Variants in SCAMP5 observed in about 807,000 individuals in gnomAD.
SCAMP5 encodes secretory carrier-associated membrane protein 5.
In SCAMP5, 7 loss-of-function variants were observed where a neutral mutation model predicts 28.3. That is an observed-to-expected ratio of 0.25 (90% CI 0.14 to 0.46). The LOEUF is 0.46. Among genes scored for constraint, SCAMP5 ranks in the 20% least tolerant of loss-of-function variants. The probability of loss-of-function intolerance (pLI) is 0.99; values close to 1 mark genes in which losing one functional copy is unlikely to be tolerated. For missense variants in SCAMP5, 192 were observed against 312.5 expected (o/e 0.61, Z 2.91); for synonymous variants, 117 against 116.4 (o/e 1.00, Z -0.03).
intron 1 of SCAMP5, among the ~76,000 whole-genome samples, chr15:75,002,759 C>G (rs1316177909): frequency 6.6e-6 from 1 of 151,186 alleles, no homozygotes; most frequent in Non-Finnish European, 1.5e-5. Context: ...TTCTGCTTAA[C>G]TTTCTTGACT....
rs761802274 is a variant in SCAMP5 at position 75,018,403 on chromosome 15, G to A, written c.396-15G>A. On this transcript the variant is annotated splice_polypyrimidine_tract_variant and intron_variant, in intron 5 of 6. Transcript: ENST00000425597. This position sits in a 1 kb window ranked among gnomAD's most constrained non-coding sequence, Gnocchi z 5.6. ...CTTATCCTGCCCGCAGCCCCACACTGGCCTCTTCCTGCAGCGGCTGGATTG... is the reference window on the plus strand; with the variant it reads ...CTTATCCTGCCCGCAGCCCCACACTAGCCTCTTCCTGCAGCGGCTGGATTG... The A allele has an allele frequency of 2.5e-6, 4 of 1,572,254 alleles. No individual in the cohort carries two copies. In the African/African-American group the frequency reaches 4.1e-5, roughly 16 times the overall value.
At chr15:75,015,482 G>T (rs1036480516) in intron 3 of SCAMP5, among the ~76,000 whole-genome samples, 1 of 152,046 alleles carries the variant, frequency 6.6e-6, no homozygotes, top group Non-Finnish European at 1.5e-5. Flanking sequence ...TGTTCTTGGG[G>T]AACTTTTAGT....
At chr15:75,003,315 A>G (rs2065726811) in intron 1 of SCAMP5, among the ~76,000 whole-genome samples, 1 of 152,208 alleles carries the variant, frequency 6.6e-6, no homozygotes. Flanking sequence ...GAAATGGTAT[A>G]AAGTTATATA....
chr15:75,019,116 G>A lies in SCAMP5; in HGVS notation c.*133G>A. 1 of 516,298 alleles carries A rather than the reference G, an allele frequency of 1.9e-6. No individual in the cohort carries two copies. 32.0% of individuals were successfully genotyped at this position (516,298 alleles called of 1,614,324 possible). On this transcript the variant is annotated 3_prime_UTR_variant, in exon 7 of 7. Coordinates refer to ENST00000425597, the MANE Select transcript of SCAMP5 (RefSeq NM_138967.4). ...TCCCTACTTTGTACAAAGGACCAGA[G>A]TTATATATATATATATATGTATATG...
At chr15:75,011,142 G>A (rs1217080375) in intron 1 of SCAMP5, among the ~76,000 whole-genome samples, 3 of 152,086 alleles carry the variant, frequency 2.0e-5, no homozygotes, top group African/African-American at 7.2e-5. Context: ...GGAGGCTGAG[G>A]CTGCCGTGAG....
At chr15:75,006,723 C>T (rs752614048) in intron 1 of SCAMP5, among the ~76,000 whole-genome samples, 36 of 149,994 alleles carry the variant, frequency 2.4e-4, no homozygotes, top group Non-Finnish European at 4.0e-4. Context: ...TGCAGTGAGC[C>T]GAGATCACGC....
chr15:75,014,041 C>G (rs1460121730), intron 3 of SCAMP5, among the ~76,000 whole-genome samples: 2 of 151,854 alleles, frequency 1.3e-5, no homozygotes, highest in Non-Finnish European at 2.9e-5. Context: ...GCTGGCTATC[C>G]TGTGCTGGGT....
At chr15:75,004,147 G>T (rs1280369624) in intron 1 of SCAMP5, among the ~76,000 whole-genome samples, 1 of 151,854 alleles carries the variant, frequency 6.6e-6, no homozygotes, top group Non-Finnish European at 1.5e-5. Flanking sequence ...CAGGTGATCC[G>T]CCCGCCTCGG....
chr15:75,009,071 C>G (rs1346977980), intron 1 of SCAMP5, among the ~76,000 whole-genome samples: 1 of 152,138 alleles, frequency 6.6e-6, no homozygotes, highest in East Asian at 1.9e-4. Flanking sequence ...TTTTTAACTA[C>G]TCATCTTTTT....
At chr15:75,017,776 T>C (rs1297833663) in intron 4 of SCAMP5, 94 bp from the exon 5 acceptor site, 2 of 807,440 alleles carry the variant, frequency 2.5e-6, no homozygotes, top group Non-Finnish European at 2.2e-6. Context: ...CTTCTGTCCA[T>C]TATGCACTTA....
Position 75,019,048 on chromosome 15 carries a change from C to T in SCAMP5, c.*65C>T. On this transcript the variant is annotated 3_prime_UTR_variant, in exon 7 of 7. Coordinates refer to ENST00000425597, the MANE Select transcript of SCAMP5 (RefSeq NM_138967.4). The stretch of plus-strand genomic sequence containing the variant: ...GGACAGGGGGCTCAAGCCACATCGT[C>T]ATTTGTGGTTACCAAGCAGGGTTCC... The T allele has an allele frequency of 8.4e-7, 1 of 1,192,828 alleles. No individual in the cohort carries two copies. The highest frequency in any genetic ancestry group is 1.2e-6 in the Non-Finnish European group (1 of 864,262). The allele number at this position is 1,192,828 out of a possible 1,614,324, so 73.9% of individuals were successfully genotyped here. A position where few individuals can be genotyped will look rare whatever the true frequency, so the allele number is the denominator to read the frequency against.
intron 3 of SCAMP5, among the ~76,000 whole-genome samples, chr15:75,015,842 C>T (rs1451312052): frequency 2.1e-5 from 3 of 145,386 alleles, no homozygotes; most frequent in Non-Finnish European, 3.0e-5. Flanking sequence ...AGGAGAATCG[C>T]TTGAACCTGA....
rs1223196601 is a variant in SCAMP5 at position 75,020,065 on chromosome 15, G to A, written c.*1082G>A. 6.6e-6 allele frequency: 1 copy of A among 152,436 alleles called. No individual in the cohort carries two copies. The highest frequency in any genetic ancestry group is 1.9e-4 in the East Asian group (1 of 5,206). The allele number at this position is 152,436 out of a possible 1,614,324, so 9.4% of individuals were successfully genotyped here. Reference sequence around the variant, plus strand: ...CTTACTGCCTTCCCTGAGGAGCTGGGACATGCTGGGCAGTTGTCAGATGTA... The same window carrying A: ...CTTACTGCCTTCCCTGAGGAGCTGGAACATGCTGGGCAGTTGTCAGATGTA... On this transcript the variant is annotated 3_prime_UTR_variant, in exon 7 of 7. Transcript: ENST00000425597.
At position 75,021,362 on chromosome 15, in the gene SCAMP5, A is replaced by G. The variant is rs1050767370; in HGVS notation, c.*2379A>G. 3 of 152,250 alleles carry G rather than the reference A, an allele frequency of 2.0e-5. No individual in the cohort carries two copies. Among genetic ancestry groups the G allele is most frequent in the African/African-American group, 7.2e-5 (3 of 41,444 alleles). The allele number at this position is 152,250 out of a possible 1,614,324, so 9.4% of individuals were successfully genotyped here. A position where few individuals can be genotyped will look rare whatever the true frequency, so the allele number is the denominator to read the frequency against. Reference sequence around the variant, plus strand: ...TGGGGTCCCAGTGACCTGCTTTGCCATTCTCCTGGTGCCGCTGCTGCTCCC... The same window carrying G: ...TGGGGTCCCAGTGACCTGCTTTGCCGTTCTCCTGGTGCCGCTGCTGCTCCC... On this transcript the variant is annotated 3_prime_UTR_variant, in exon 7 of 7. Coordinates refer to ENST00000425597, the MANE Select transcript of SCAMP5 (RefSeq NM_138967.4).
chr15:75,012,889 C>T, intron 3 of SCAMP5, 84 bp downstream of exon 3: 1 of 1,366,510 alleles, frequency 7.3e-7, no homozygotes, highest in Admixed American at 1.7e-5. Flanking sequence ...GTGGGGTGCC[C>T]ACAGGCCTGA....
At chr15:75,011,596 G>T in intron 1 of SCAMP5, 196 bp from the exon 2 acceptor site, 1 of 385,052 alleles carries the variant, frequency 2.6e-6, no homozygotes, top group Non-Finnish European at 4.7e-6. Flanking sequence ...AGCAGAGGGC[G>T]GGAGCAGCTG....
Position 75,018,639 on chromosome 15 carries a change from A to T in SCAMP5, c.513+104A>T. 1 of 1,051,884 alleles carries T rather than the reference A, an allele frequency of 9.5e-7. No homozygotes were observed. Among genetic ancestry groups the T allele is most frequent in the Non-Finnish European group, 1.5e-6 (1 of 670,232 alleles). 65.2% of individuals were successfully genotyped at this position (1,051,884 alleles called of 1,614,324 possible). ...AGAGGATCCCGAGGTCTTCCAAGGG[A>T]CTCACTCTGGAATGGCCTGCAGGAC... On this transcript the variant is annotated intron_variant, in intron 6 of 6. Transcript: ENST00000425597. The surrounding 1 kb of genome is among the most constrained non-coding windows in gnomAD (Gnocchi z 5.6).
At position 75,019,301 on chromosome 15, in the gene SCAMP5, C is replaced by T. The variant is rs1030518612; in HGVS notation, c.*318C>T. On this transcript the variant is annotated 3_prime_UTR_variant, in exon 7 of 7. Transcript: ENST00000425597. ...TGCTAGATGTGTGTTTAGAGCTAAA[C>T]CAGCCCCCACCCCCACCCTCCACCT... 1 of 173,472 alleles carries T rather than the reference C, an allele frequency of 5.8e-6. No individual in the cohort carries two copies. Among genetic ancestry groups the T allele is most frequent in the Non-Finnish European group, 1.2e-5 (1 of 82,442 alleles). The allele number at this position is 173,472 out of a possible 1,614,324, so 10.7% of individuals were successfully genotyped here. A position where few individuals can be genotyped will look rare whatever the true frequency, so the allele number is the denominator to read the frequency against.
rs183807115 is a variant in SCAMP5, at chr15:75,014,901, C to A, written c.137-1692C>A. Among the ~76,000 whole-genome samples, 28 of 152,246 alleles carry A rather than the reference C, an allele frequency of 1.8e-4. 1 individual carries two copies. Among genetic ancestry groups the A allele is most frequent in the Non-Finnish European group, 3.4e-4 (23 of 68,034 alleles). On this transcript the variant is annotated intron_variant, in intron 3 of 6. Coordinates refer to ENST00000425597, the MANE Select transcript of SCAMP5 (RefSeq NM_138967.4). ...AGAGCAAATAAAATCAGTTTTAACACCAAGCCTCCAGGAGATTTTGGGGCA... is the reference window on the plus strand; with the variant it reads ...AGAGCAAATAAAATCAGTTTTAACAACAAGCCTCCAGGAGATTTTGGGGCA...
Sources: allele counts gnomAD v4.1 joint callset (sites outside exome capture counted in the v4.1 genomes callset), GRCh38; gene constraint gnomAD v4.1.1; non-coding constraint Gnocchi (gnomAD v3.1); transcripts MANE v1.5; gene names NCBI Gene and HGNC (gene_info 2026-07-23, HGNC 2026-07-21).